The following PODXL2 variants were observed in gnomAD, a reference collection of about 807,000 sequenced individuals.
PODXL2 encodes podocalyxin like 2.
Under a neutral mutation model 53.4 loss-of-function variants are expected in PODXL2, and 17 were observed. The observed-to-expected ratio is 0.32, with a 90% CI of 0.22 to 0.48. The LOEUF (loss-of-function observed/expected upper bound fraction) is 0.48. Ranked by LOEUF, PODXL2 falls within the 20% of genes least tolerant of loss-of-function variation. The probability of loss-of-function intolerance (pLI) is 0.99; values close to 1 mark genes in which losing one functional copy is unlikely to be tolerated. For missense variants in PODXL2, 673 were observed against 760.0 expected, an observed-to-expected ratio of 0.89 and a Z score of 1.35; for synonymous variants, 311 against 306.7, an observed-to-expected ratio of 1.01 and a Z score of -0.15.
At chr3:127,649,750 A>G (rs971670939) in intron 2 of PODXL2, among the ~76,000 whole-genome samples, 20 of 152,216 alleles carry the variant, frequency 1.3e-4, no homozygotes, top group African/African-American at 4.6e-4. Context: ...CAGCCTGGCC[A>G]ACATGGTGAA....
chr3:127,663,660 C>G (rs186695399), intron 4 of PODXL2, among the ~76,000 whole-genome samples: 1 of 152,320 alleles, frequency 6.6e-6, no homozygotes, highest in African/African-American at 2.4e-5. Context: ...GAGTTGGCCT[C>G]TGAGTCCTTT....
At chr3:127,646,894 G>C (rs2074660509) in intron 2 of PODXL2, among the ~76,000 whole-genome samples, 1 of 152,180 alleles carries the variant, frequency 6.6e-6, no homozygotes, top group African/African-American at 2.4e-5. Context: ...TTCTTGCCAA[G>C]GGAGCACATT....
At chr3:127,656,007 G>T (rs2074721182) in intron 2 of PODXL2, among the ~76,000 whole-genome samples, 1 of 152,212 alleles carries the variant, frequency 6.6e-6, no homozygotes, top group Non-Finnish European at 1.5e-5. Context: ...CACAGGCCCT[G>T]GTTTTTAGGA....
chr3:127,653,110 G>A (rs929702909), intron 2 of PODXL2, among the ~76,000 whole-genome samples: 2 of 152,186 alleles, frequency 1.3e-5, no homozygotes, highest in Middle Eastern at 3.4e-3. Flanking sequence ...AGTGCCTGCT[G>A]AGGCTTCCTC....
Position 127,660,665 on chromosome 3 carries a change from C to G in PODXL2, c.637C>G (p.Gln213Glu). ...TGACTTTTCTCTCACCAGCAGCAGC[C>G]AGACCCCAGGGGCCACCAAAAGCAG... ...VRDFSLTSSSQTPGATKSRHE... is the reference protein window; with the variant it reads ...VRDFSLTSSSETPGATKSRHE... The change falls in exon 3 of 8, where the codon CAG (glutamine) becomes GAG (glutamate). Residue 213 changes from glutamine to glutamate, a missense_variant. Physicochemically the swap from Gln to Glu is conservative, Grantham distance 29. Transcript: ENST00000342480. The G allele has an allele frequency of 6.2e-7, 1 of 1,614,190 alleles. No individual in the cohort carries two copies. Among genetic ancestry groups the G allele is most frequent in the African/African-American group, 1.3e-5 (1 of 75,046 alleles).
At chr3:127,648,816 G>A (rs1290458893) in intron 2 of PODXL2, among the ~76,000 whole-genome samples, 3 of 135,608 alleles carry the variant, frequency 2.2e-5, no homozygotes, top group African/African-American at 5.6e-5. Flanking sequence ...TTTTTGAGAC[G>A]GAGTCTTGCT....
At position 127,646,488 on chromosome 3, in the gene PODXL2, A is replaced by G. The variant is rs534151750; in HGVS notation, c.349+6965A>G. On this transcript the variant is annotated intron_variant, in intron 2 of 7. Coordinates refer to ENST00000342480, the MANE Select transcript of PODXL2 (RefSeq NM_015720.4). ...CTGCAACCTCCGCCTCCCAGGTTCA[A>G]GTGATTCTCCTGCCTCAGCCTCCCA... Among the ~76,000 whole-genome samples the G allele has an allele frequency of 5.1e-4, 78 of 152,052 alleles. 3 individuals are homozygous for G. The South Asian group carries it at 0.016, about 31-fold the overall frequency.
At chr3:127,637,652 T>TA (rs1233315291) in intron 1 of PODXL2, among the ~76,000 whole-genome samples, 4 of 152,188 alleles carry the variant, frequency 2.6e-5, no homozygotes, top group Admixed American at 6.5e-5. Context: ...TCTCTCCTGT[T>TA]ATATAGAACA....
rs1193874628 is a variant in PODXL2 at position 127,660,646 on chromosome 3, T to C, written c.618T>C (p.Phe206=). 1.2e-6 allele frequency: 2 copies of C among 1,614,064 alleles called. No homozygotes were observed. ...QEEAKPQVRD[F]SLTSSSQTPG... is the part of the protein sequence containing the mutation. ...AAGCCAAGCCTCAGGTCCGTGACTT[T>C]TCTCTCACCAGCAGCAGCCAGACCC... Residue 206 remains phenylalanine, a synonymous_variant, in exon 3 of 8, where the codon TTT becomes TTC. Coordinates refer to ENST00000342480, the MANE Select transcript of PODXL2 (RefSeq NM_015720.4).
chr3:127,646,117 C>T (rs564052184), intron 2 of PODXL2, among the ~76,000 whole-genome samples: 3 of 152,322 alleles, frequency 2.0e-5, no homozygotes, highest in South Asian at 2.1e-4. Context: ...ATGTGCCCAG[C>T]ACTATGTTAG....
chr3:127,629,247 C>G lies in PODXL2; in HGVS notation c.28C>G (p.Leu10Val). The G allele has an allele frequency of 9.9e-7, 1 of 1,005,838 alleles. No homozygotes were observed. 62.3% of individuals were successfully genotyped at this position (1,005,838 alleles called of 1,614,324 possible). A position where few individuals can be genotyped will look rare whatever the true frequency, so the allele number is the denominator to read the frequency against. Residue 10 changes from leucine (L) to valine (V), a missense_variant, in exon 1 of 8, where the codon CTG (leucine) becomes GTG (valine). By Grantham distance (32) the Leu-to-Val change is conservative. Coordinates refer to ENST00000342480, the MANE Select transcript of PODXL2 (RefSeq NM_015720.4). This position sits in a 1 kb window ranked among gnomAD's most constrained non-coding sequence, Gnocchi z 6.4. ...GGGCCGGCTGCTGCGGGCCGCCCGG[C>G]TGCCGCCGCTGCTTTCGCCGCTGCT... MGRLLRAARLPPLLSPLLLL... is the reference protein window; with the variant it reads MGRLLRAARVPPLLSPLLLL...
At position 127,662,260 on chromosome 3, in the gene PODXL2, T is replaced by C; in HGVS notation, c.1155T>C (p.Asn385=). 1 of 1,614,086 alleles carries C rather than the reference T, an allele frequency of 6.2e-7. No homozygotes were observed. Residue 385 remains asparagine, a synonymous_variant, in exon 4 of 8, where the codon AAT becomes AAC. Coordinates refer to ENST00000342480, the MANE Select transcript of PODXL2 (RefSeq NM_015720.4). ...STQVICKDWS[N]LAGKNYIILN... is the part of the protein sequence containing the mutation. ...AGGTGATCTGCAAGGACTGGAGCAA[T>C]CTGGCTGGGAAAAACTACATCATTC...
chr3:127,650,817 C>A (rs2074683881), intron 2 of PODXL2, among the ~76,000 whole-genome samples: 2 of 152,040 alleles, frequency 1.3e-5, no homozygotes. Context: ...CCACCACACC[C>A]AGCTAATTTT....
intron 4 of PODXL2, among the ~76,000 whole-genome samples, chr3:127,664,842 GCATTAGT>G (rs1330785886): frequency 6.6e-6 from 1 of 151,996 alleles, no homozygotes; most frequent in Non-Finnish European, 1.5e-5. Flanking sequence ...GTGATGTTGA[GCATTAGT>G]CATTATTATT....
intron 2 of PODXL2, among the ~76,000 whole-genome samples, chr3:127,644,205 A>T (rs1187240888): frequency 1.3e-5 from 2 of 151,994 alleles, no homozygotes; most frequent in Non-Finnish European, 2.9e-5. Flanking sequence ...TCTGCCTCCG[A>T]GGTTCAAGTG....
At chr3:127,657,405 A>G (rs752187186) in intron 2 of PODXL2, among the ~76,000 whole-genome samples, 1 of 152,072 alleles carries the variant, frequency 6.6e-6, no homozygotes, top group Non-Finnish European at 1.5e-5. Context: ...AAGGTTTCCA[A>G]TACTCCTTTC....
intron 2 of PODXL2, among the ~76,000 whole-genome samples, chr3:127,654,524 C>A (rs1354724996): frequency 6.6e-6 from 1 of 152,156 alleles, no homozygotes; most frequent in Non-Finnish European, 1.5e-5. Flanking sequence ...TCCCATCAGG[C>A]CTCCCGGTAA....
In PODXL2 at chr3:127,668,575, C is replaced by A; in HGVS notation, c.1341C>A (p.Leu447=). 6.4e-7 allele frequency: 1 copy of A among 1,556,604 alleles called. No homozygotes were observed. Among genetic ancestry groups the A allele is most frequent in the Admixed American group, 1.9e-5 (1 of 53,218 alleles). Residue 447 remains leucine (L), a synonymous_variant, in exon 5 of 8, where the codon CTC becomes CTA. Coordinates refer to ENST00000342480, the MANE Select transcript of PODXL2 (RefSeq NM_015720.4). ...SKPSEKEQHL[L]MTLVGEQGVV... is the part of the protein sequence containing the mutation. ...CCAGCGAGAAGGAGCAGCACCTTCT[C>A]ATGACACTGGTGGGCGAGCAGGGTG...
chr3:127,635,051 T>C (rs910387537), intron 1 of PODXL2, among the ~76,000 whole-genome samples: 1 of 152,250 alleles, frequency 6.6e-6, no homozygotes, highest in South Asian at 2.1e-4. Context: ...TATCGTGAAG[T>C]GTGGGGCATT....
Sources: allele counts gnomAD v4.1 joint callset (sites outside exome capture counted in the v4.1 genomes callset), GRCh38; gene constraint gnomAD v4.1.1; non-coding constraint Gnocchi (gnomAD v3.1); transcripts MANE v1.5; gene names NCBI Gene and HGNC (gene_info 2026-07-23, HGNC 2026-07-21).